DAB1: variants seen among roughly 807,000 people sequenced by gnomAD.
The protein encoded by DAB1 is DAB adaptor protein 1.
In DAB1, 15 loss-of-function variants were observed where a neutral mutation model predicts 64.6. The ratio of observed to expected loss-of-function variants is 0.23; its 90% confidence interval spans 0.16 to 0.36. DAB1 has a LOEUF of 0.36. DAB1 is among the 10% of genes least tolerant of loss of function. The pLI is 1.00. For synonymous variants in DAB1, 235 were observed against 251.9 expected (o/e 0.93, Z 0.64); for missense variants, 596 against 706.7 (o/e 0.84, Z 1.78).
intron 2 of DAB1, among the ~76,000 whole-genome samples, chr1:57,219,907 AC>A (rs1199390497): frequency 6.6e-6 from 1 of 152,144 alleles, no homozygotes; most frequent in African/African-American, 2.4e-5. Context: ...CTGGGCCGAG[AC>A]CCCTGACCCA....
intron 3 of DAB1, among the ~76,000 whole-genome samples, chr1:58,362,176 C>A (rs1644173755): frequency 6.6e-6 from 1 of 152,148 alleles, no homozygotes; most frequent in South Asian, 2.1e-4. Flanking sequence ...CCATCCCAGT[C>A]TCCATGAATA....
intron 6 of DAB1, among the ~76,000 whole-genome samples, chr1:57,703,730 G>A (rs866589665): frequency 1.3e-5 from 2 of 152,042 alleles, no homozygotes; most frequent in African/African-American, 2.4e-5. Context: ...AAAGACACAT[G>A]CACATGTATA....
chr1:57,575,208 T>G (rs1645236302), intron 7 of DAB1, among the ~76,000 whole-genome samples: 1 of 152,314 alleles, frequency 6.6e-6, no homozygotes, highest in South Asian at 2.1e-4. Context: ...CAGTCAAATA[T>G]TCTATAAAAA....
intron 5 of DAB1, among the ~76,000 whole-genome samples, chr1:57,930,484 G>T (rs1438831928): frequency 1.7e-4 from 26 of 152,160 alleles, no homozygotes; most frequent in Admixed American, 1.7e-3. Flanking sequence ...CTGACATCTT[G>T]ACAGCATTGA....
chr1:58,370,265 A>T (rs1156834080), intron 3 of DAB1, among the ~76,000 whole-genome samples: 3 of 152,192 alleles, frequency 2.0e-5, no homozygotes, highest in African/African-American at 7.2e-5. Flanking sequence ...GGTCCTCAAC[A>T]CATAATGAGT....
At chr1:57,438,092 T>C (rs2101126613) in intron 7 of DAB1, among the ~76,000 whole-genome samples, 1 of 152,310 alleles carries the variant, frequency 6.6e-6, no homozygotes, top group Admixed American at 6.5e-5. Flanking sequence ...TTAAGCAACA[T>C]GAGTGACAGG....
intron 4 of DAB1, among the ~76,000 whole-genome samples, chr1:57,116,822 T>C (rs1334822846): frequency 6.6e-6 from 1 of 152,212 alleles, no homozygotes; most frequent in Non-Finnish European, 1.5e-5. Flanking sequence ...AGTAATTAGG[T>C]GGCTTTTTAC....
intron 1 of DAB1, chr1:58,530,814 A>G (rs908304372): frequency 5.4e-6 from 4 of 744,132 alleles, no homozygotes; most frequent in Admixed American, 4.0e-5. Flanking sequence ...ATGTGTTACA[A>G]TTACCTGACC....
At chr1:57,499,015 T>C (rs1354097929) in intron 7 of DAB1, among the ~76,000 whole-genome samples, 3 of 152,122 alleles carry the variant, frequency 2.0e-5, no homozygotes, top group African/African-American at 7.2e-5. Context: ...CTTGCTCTGT[T>C]GCCAGGCTGG....
chr1:57,620,797 G>A (rs1645848052), intron 7 of DAB1, among the ~76,000 whole-genome samples: 1 of 152,150 alleles, frequency 6.6e-6, no homozygotes, highest in South Asian at 2.1e-4. Flanking sequence ...CAGGCTCTGG[G>A]TCTGGAAGCA....
At chr1:57,884,574 T>C (rs1372386176), upstream of DAB1, among the ~76,000 whole-genome samples, 1 of 152,270 alleles carries the variant, frequency 6.6e-6, no homozygotes, top group Non-Finnish European at 1.5e-5. Context: ...AAAGAAAATG[T>C]ATATTTTAAA....
At chr1:57,143,784 T>A (rs962478554) in intron 3 of DAB1, among the ~76,000 whole-genome samples, 2 of 152,016 alleles carry the variant, frequency 1.3e-5, no homozygotes, top group Admixed American at 6.6e-5. Context: ...ATTTTACATT[T>A]ATGCATTTTA....
At chr1:57,052,824 C>T (rs191182634) in intron 9 of DAB1, among the ~76,000 whole-genome samples, 244 of 152,336 alleles carry the variant, frequency 1.6e-3, no homozygotes, top group African/African-American at 5.4e-3. Flanking sequence ...GAGCTCACTA[C>T]TCGATAAGGT....
chr1:58,211,002 G>A (rs1305011500), intron 4 of DAB1, among the ~76,000 whole-genome samples: 2 of 152,230 alleles, frequency 1.3e-5, no homozygotes, highest in East Asian at 3.9e-4. Context: ...AACGAGAACC[G>A]ATCTTGCAGT....
intron 2 of DAB1, chr1:58,506,354 G>A (rs890651580): frequency 2.9e-5 from 16 of 542,456 alleles, no homozygotes; most frequent in African/African-American, 2.1e-4. Context: ...TGTTACATAC[G>A]TATACATGTG....
intron 5 of DAB1, among the ~76,000 whole-genome samples, chr1:58,040,337 T>C (rs1358801863): frequency 2.0e-5 from 3 of 152,238 alleles, no homozygotes; most frequent in African/African-American, 4.8e-5. Flanking sequence ...TTGTGTTTCA[T>C]GTCTATCCCT....
At chr1:57,777,047 C>G (rs1649835153) in intron 6 of DAB1, among the ~76,000 whole-genome samples, 1 of 142,840 alleles carries the variant, frequency 7.0e-6, no homozygotes, top group Admixed American at 7.1e-5. Flanking sequence ...CCAATATTGT[C>G]TTAATTTTGG....
intron 7 of DAB1, among the ~76,000 whole-genome samples, chr1:57,592,992 GAC>G (rs1277481642): frequency 6.6e-6 from 1 of 152,188 alleles, no homozygotes; most frequent in East Asian, 1.9e-4. Context: ...ATGTTGGAGA[GAC>G]ACAGTTCAGT....
At chr1:57,763,839 C>G (rs1350883230) in intron 6 of DAB1, among the ~76,000 whole-genome samples, 1 of 152,170 alleles carries the variant, frequency 6.6e-6, no homozygotes, top group Non-Finnish European at 1.5e-5. Flanking sequence ...GTGTGTTTGA[C>G]TTTCATGTAA....
Sources: gnomAD v4.1 joint callset for allele counts (sites outside exome capture counted in the v4.1 genomes callset) on GRCh38, gnomAD v4.1.1 for gene constraint, MANE v1.5 for transcripts, NCBI Gene and HGNC (gene_info 2026-07-23, HGNC 2026-07-21) for gene names.